Variants in ZKSCAN5 observed in about 807,000 individuals in gnomAD.
ZKSCAN5 encodes the protein zinc finger with KRAB and SCAN domains 5, also known as zinc finger protein with KRAB and SCAN domains 5.
In ZKSCAN5, 28 loss-of-function variants were observed where a neutral mutation model predicts 60.0. The observed-to-expected ratio is 0.47, with a 90% CI of 0.35 to 0.64. ZKSCAN5 has a LOEUF of 0.64. ZKSCAN5 is among the 30% of genes least tolerant of loss of function. ZKSCAN5 has a pLI of 0.01. For missense variants in ZKSCAN5, 881 were observed against 1,034.6 expected, an observed-to-expected ratio of 0.85 and a Z score of 2.04; for synonymous variants, 361 against 371.2, an observed-to-expected ratio of 0.97 and a Z score of 0.31.
At position 99,506,101 on chromosome 7, in the gene ZKSCAN5, C is replaced by T. The variant is rs775765741; in HGVS notation, c.57C>T (p.Ser19=). 2.6e-5 allele frequency: 42 copies of T among 1,613,982 alleles called. No homozygotes were observed. Among genetic ancestry groups the T allele is most frequent in the Non-Finnish European group, 3.3e-5 (39 of 1,180,014 alleles). Residue 19 remains serine, a synonymous_variant, in exon 2 of 7, where the codon TCC becomes TCT. Transcript: ENST00000326775. ...ACTTAGACCCCCCAGCTGAGACTTC[C>T]CAGGAGCAGGAAGACCTTTTCATAG... ...VIDLDPPAET[S]QEQEDLFIVK... is the part of the protein sequence containing the mutation.
chr7:99,526,173 A>C lies in ZKSCAN5; in HGVS notation c.1133A>C (p.Glu378Ala), dbSNP rs747146628. Reference sequence around the variant, plus strand: ...GGAGAAAAACCGTTTAAGTGCGGAGAATGTGGGAAGAGCTACAATCAGCGG... The same window carrying C: ...GGAGAAAAACCGTTTAAGTGCGGAGCATGTGGGAAGAGCTACAATCAGCGG... ...HTGEKPFKCG[E>A]CGKSYNQRVH... Residue 378 changes from glutamate to alanine, a missense_variant, in exon 6 of 7, where the codon GAA becomes GCA. By Grantham distance (107) the Glu-to-Ala change is moderately radical. Transcript: ENST00000326775. 1 of 1,614,168 alleles carries C rather than the reference A, an allele frequency of 6.2e-7. No individual in the cohort carries two copies. The highest frequency in any genetic ancestry group is 8.5e-7 in the Non-Finnish European group (1 of 1,180,024).
At chr7:99,529,542 T>A (rs1801951574) in intron 6 of ZKSCAN5, among the ~76,000 whole-genome samples, 1 of 152,198 alleles carries the variant, frequency 6.6e-6, no homozygotes, top group African/African-American at 2.4e-5. Flanking sequence ...GCTTACAGTC[T>A]TTTTGGTATA....
chr7:99,525,763 T>A, intron 5 of ZKSCAN5, 50 bp from the exon 6 acceptor site: 1 of 1,556,294 alleles, frequency 6.4e-7, no homozygotes, highest in Admixed American at 2.0e-5. Flanking sequence ...ATTTTATTTC[T>A]TCAAATTCAA....
intron 2 of ZKSCAN5, among the ~76,000 whole-genome samples, chr7:99,508,948 A>G (rs1305967603): frequency 6.6e-6 from 1 of 151,398 alleles, no homozygotes; most frequent in African/African-American, 2.4e-5. Context: ...GGCTGGGATT[A>G]CAGGCATGTG....
At chr7:99,522,253 G>C (rs937542217) in intron 5 of ZKSCAN5, among the ~76,000 whole-genome samples, 2 of 152,146 alleles carry the variant, frequency 1.3e-5, no homozygotes, top group African/African-American at 4.8e-5. Context: ...ATCAGATTTG[G>C]AAGTGAGATT....
chr7:99,511,035 T>C (rs1800997671), intron 2 of ZKSCAN5, among the ~76,000 whole-genome samples: 1 of 152,120 alleles, frequency 6.6e-6, no homozygotes. Context: ...TGAGCCATCA[T>C]GCCCGGCCTG....
intron 5 of ZKSCAN5, among the ~76,000 whole-genome samples, chr7:99,521,598 T>G (rs765662289): frequency 6.6e-6 from 1 of 152,126 alleles, no homozygotes. Context: ...CAGCTGACTC[T>G]GCTCTTTTAA....
chr7:99,508,025 C>G lies in ZKSCAN5; in HGVS notation c.414+1567C>G, dbSNP rs1167783070. ...CTTAGAAATACATGTGTAGGCCGGG[C>G]ACGGTAGCTCATGCCTGTAATCCCA... On this transcript the variant is annotated intron_variant, in intron 2 of 6. Coordinates refer to ENST00000326775, the MANE Select transcript of ZKSCAN5 (RefSeq NM_145102.4). 3.3e-5 allele frequency among the ~76,000 whole-genome samples: 5 copies of G among 152,198 alleles called. No homozygotes were observed. The East Asian group carries it at 9.6e-4, about 29-fold the overall frequency.
At chr7:99,520,104 G>A in intron 4 of ZKSCAN5, 65 bp from the exon 5 acceptor site, 2 of 1,592,348 alleles carry the variant, frequency 1.3e-6, no homozygotes, top group Non-Finnish European at 1.7e-6. Context: ...AATGAGCCCA[G>A]TTCTTCCCCT....
intron 6 of ZKSCAN5, 150 bp downstream of exon 6, chr7:99,526,568 A>G: frequency 1.5e-6 from 2 of 1,359,258 alleles, no homozygotes; most frequent in Non-Finnish European, 2.0e-6. Context: ...TTATGTATTT[A>G]TTTTTTGAGA....
At chr7:99,529,859 G>C (rs1230571392) in intron 6 of ZKSCAN5, among the ~76,000 whole-genome samples, 2 of 149,776 alleles carry the variant, frequency 1.3e-5, no homozygotes, top group Non-Finnish European at 3.0e-5. Context: ...CTCAGCCTCT[G>C]GAGTAGCTGT....
intron 5 of ZKSCAN5, 112 bp downstream of exon 5, chr7:99,520,416 C>CT (rs368250259): frequency 3.9e-5 from 50 of 1,287,914 alleles, no homozygotes; most frequent in South Asian, 5.5e-5. Flanking sequence ...TATGACTTTG[C>CT]TTTTTTTTAT....
intron 5 of ZKSCAN5, among the ~76,000 whole-genome samples, chr7:99,523,800 G>C (rs1158539069): frequency 6.6e-6 from 1 of 151,978 alleles, no homozygotes; most frequent in Non-Finnish European, 1.5e-5. Context: ...TTTTTAGGAA[G>C]GTAAGTAAAA....
At chr7:99,508,135 TA>T (rs1198322452) in intron 2 of ZKSCAN5, among the ~76,000 whole-genome samples, 7 of 149,592 alleles carry the variant, frequency 4.7e-5, no homozygotes, top group Non-Finnish European at 1.0e-4. Context: ...CCATCTCTAC[TA>T]AAAAATACAA....
In ZKSCAN5 at chr7:99,506,417, A is replaced by T. The variant is rs1420986746; in HGVS notation, c.373A>T (p.Ile125Leu). The change falls in exon 2 of 7, where the codon ATA becomes TTA. Residue 125 changes from isoleucine (I) to leucine (L), a missense_variant. This residue lies in a region of ZKSCAN5 where 53 missense variants were observed against 88.7 expected (regional missense o/e 0.60). Transcript: ENST00000326775. ...PESGEEAVAV[I>L]ENIQRELEER... is the part of the protein sequence containing the mutation. ...AAGTGGAGAAGAGGCGGTGGCCGTG[A>T]TAGAAAATATACAGCGAGAACTTGA... 2 of 1,613,892 alleles carry T rather than the reference A, an allele frequency of 1.2e-6. No homozygotes were observed. Among genetic ancestry groups the T allele is most frequent in the East Asian group, 2.2e-5 (1 of 44,898 alleles).
intron 2 of ZKSCAN5, among the ~76,000 whole-genome samples, chr7:99,510,196 G>A (rs897864950): frequency 1.4e-4 from 21 of 151,010 alleles, no homozygotes; most frequent in African/African-American, 5.1e-4. Context: ...GGCCTCCCAA[G>A]GTGCTGGGGT....
rs1777223312 is a variant in ZKSCAN5, at chr7:99,525,851, C to A, written c.811C>A (p.Gln271Lys). 3 of 1,613,756 alleles carry A rather than the reference C, an allele frequency of 1.9e-6. No homozygotes were observed. The highest frequency in any genetic ancestry group is 1.7e-6 in the Non-Finnish European group (2 of 1,179,774). Residue 271 changes from glutamine to lysine, a missense_variant, in exon 6 of 7, where the codon CAG (glutamine) becomes AAG (lysine). By Grantham distance (53) the Gln-to-Lys change is moderately conservative (BLOSUM62 1). Coordinates refer to ENST00000326775, the MANE Select transcript of ZKSCAN5 (RefSeq NM_145102.4). Reference protein sequence around the residue: ...SRDNMELIVKQISDDSESHWV... With the variant: ...SRDNMELIVKKISDDSESHWV... The stretch of plus-strand genomic sequence containing the variant: ...GGACAATATGGAGCTCATAGTGAAG[C>A]AGATTTCTGATGACTCTGAATCACA...
At chr7:99,520,453 C>CCT in intron 5 of ZKSCAN5, 149 bp downstream of exon 5, 1 of 861,856 alleles carries the variant, frequency 1.2e-6, no homozygotes, top group Non-Finnish European at 1.6e-6. Context: ...AATCAGCCTT[C>CCT]ATTTTTTTTT....
intron 3 of ZKSCAN5, among the ~76,000 whole-genome samples, chr7:99,515,042 G>A (rs1306983052): frequency 3.3e-5 from 5 of 152,012 alleles, no homozygotes; most frequent in African/African-American, 1.2e-4. Context: ...TTGTGCCACT[G>A]CAGTCCAGCT....
Sources: allele counts gnomAD v4.1 joint callset (sites outside exome capture counted in the v4.1 genomes callset), GRCh38; gene constraint gnomAD v4.1.1; regional missense constraint gnomAD v4.1.1; transcripts MANE v1.5; gene names NCBI Gene and HGNC (gene_info 2026-07-23, HGNC 2026-07-21).